CCN5: variants seen among roughly 807,000 people sequenced by gnomAD.
The protein encoded by CCN5 is CCN family member 5.
CCN5 carries 17 observed loss-of-function variants against 18.7 expected under a neutral mutation model. That is an observed-to-expected ratio of 0.91 (90% CI 0.62 to 1.36). The LOEUF is 1.36. Among genes scored for constraint, CCN5 ranks in the 40% most tolerant of loss-of-function variants. CCN5 has a pLI of 0.00. For missense variants in CCN5, 367 were observed against 342.9 expected (o/e 1.07, Z -0.56); for synonymous variants, 135 against 145.2 (o/e 0.93, Z 0.50).
chr20:44,724,595 A>G, intron 2 of CCN5, 143 bp from the exon 3 acceptor site: 2 of 1,281,452 alleles, frequency 1.6e-6, no homozygotes, highest in South Asian at 3.2e-5. Context: ...GGCTGGGGAG[A>G]GGTGCATATC....
intron 3 of CCN5, among the ~76,000 whole-genome samples, chr20:44,725,545 T>C (rs2065930723): frequency 1.3e-5 from 2 of 151,892 alleles, no homozygotes; most frequent in African/African-American, 4.8e-5. Context: ...AAACCATAAA[T>C]AATTAAAAAT....
intron 2 of CCN5, 179 bp from the exon 3 acceptor site, chr20:44,724,559 C>T (rs2065921586): frequency 2.2e-6 from 2 of 910,064 alleles, no homozygotes; most frequent in Admixed American, 6.6e-5. Context: ...TGCCGGGATC[C>T]AGGGTGCCCC....
intron 2 of CCN5, chr20:44,721,020 A>G (rs2065895516): frequency 6.6e-6 from 1 of 152,190 alleles, no homozygotes; most frequent in Non-Finnish European, 1.5e-5. Flanking sequence ...CCAGTTGGGA[A>G]CCATCACTTT....
intron 1 of CCN5, among the ~76,000 whole-genome samples, chr20:44,715,702 T>C (rs2065855222): frequency 1.3e-5 from 2 of 152,212 alleles, no homozygotes; most frequent in Non-Finnish European, 2.9e-5. Context: ...GTGAAGGGTA[T>C]ACAGTTTGTG....
chr20:44,724,176 A>G (rs920374963), intron 2 of CCN5: 3 of 152,602 alleles, frequency 2.0e-5, no homozygotes, highest in African/African-American at 7.2e-5. Flanking sequence ...AGAGAAGTTA[A>G]GTAACTTACT....
At position 44,715,384 on chromosome 20, in the gene CCN5, A is replaced by G; in HGVS notation, c.-7A>G. 6.3e-7 allele frequency: 1 copy of G among 1,599,264 alleles called. No individual in the cohort carries two copies. The highest frequency in any genetic ancestry group is 8.5e-7 in the Non-Finnish European group (1 of 1,173,474). On this transcript the variant is annotated 5_prime_UTR_variant, in exon 1 of 4. Coordinates refer to ENST00000190983, the MANE Select transcript of CCN5 (RefSeq NM_003881.4). ...CTCCCAGGCTCAAAGCTGGCTCTGC[A>G]GGGGACATGAGAGGCACACCGAAGA... is the stretch of plus-strand genomic sequence containing the variant.
intron 3 of CCN5, among the ~76,000 whole-genome samples, chr20:44,726,077 C>A (rs1332739872): frequency 6.6e-6 from 1 of 152,134 alleles, no homozygotes; most frequent in Admixed American, 6.5e-5. Flanking sequence ...CTCAGTTTCT[C>A]CAGCTGTAAA....
rs2065924213 is a variant in CCN5, at chr20:44,724,829, C to A, written c.369C>A (p.Cys123Ter). The A allele has an allele frequency of 6.2e-7, 1 of 1,606,200 alleles. No individual in the cohort carries two copies. Among genetic ancestry groups the A allele is most frequent in the Non-Finnish European group, 8.5e-7 (1 of 1,177,260 alleles). ...FQPHCSIRCR[C>*]EDGGFTCVPL... ...CCCACTGCAGCATCCGCTGCCGCTG[C>A]GAGGACGGCGGCTTCACCTGCGTGC... Residue 123 changes from cysteine (C) to a stop codon, truncating the protein, a stop_gained, in exon 3 of 4, where the codon TGC becomes TGA. Transcript: ENST00000190983. LOFTEE classifies it high-confidence loss of function.
At chr20:44,715,072 T>C, upstream of CCN5, 1 of 295,986 alleles carries the variant, frequency 3.4e-6, no homozygotes, top group Non-Finnish European at 6.5e-6. Context: ...TGGCACTGGC[T>C]CAGGCTTTCA....
At chr20:44,720,145 G>C (rs2065889151) in intron 2 of CCN5, 32 bp downstream of exon 2, 1 of 1,533,678 alleles carries the variant, frequency 6.5e-7, no homozygotes, top group African/African-American at 1.4e-5. Context: ...AGTGGGGGCG[G>C]GTGTGAGCGG....
chr20:44,727,448 A>C lies in CCN5; in HGVS notation c.*141A>C. ...TTAGCTTGGGTCCACCATGCAGAACACCAATATTAACACGCTGCCTGGTCT... is the reference window on the plus strand; with the variant it reads ...TTAGCTTGGGTCCACCATGCAGAACCCCAATATTAACACGCTGCCTGGTCT... On this transcript the variant is annotated 3_prime_UTR_variant, in exon 4 of 4. Transcript: ENST00000190983. The C allele has an allele frequency of 7.0e-7, 1 of 1,438,672 alleles. No homozygotes were observed. Among genetic ancestry groups the C allele is most frequent in the Non-Finnish European group, 9.2e-7 (1 of 1,091,162 alleles). The allele number at this position is 1,438,672 out of a possible 1,614,324, so 89.1% of individuals were successfully genotyped here.
At position 44,720,077 on chromosome 20, in the gene CCN5, G is replaced by C; in HGVS notation, c.241G>C (p.Gly81Arg). ...CAGCCAGGGCCTGGTCTGCCAGCCC[G>C]GGGCAGGACCCGGTGGCCGGGGGGC... ...DASQGLVCQP[G>R]AGPGGRGALC... is the part of the protein sequence containing the mutation. Residue 81 changes from glycine to arginine, a missense_variant, in exon 2 of 4, where the codon GGG becomes CGG. Coordinates refer to ENST00000190983, the MANE Select transcript of CCN5 (RefSeq NM_003881.4). 2 of 1,574,940 alleles carry C rather than the reference G, an allele frequency of 1.3e-6. No individual in the cohort carries two copies. Among genetic ancestry groups the C allele is most frequent in the Non-Finnish European group, 1.7e-6 (2 of 1,166,592 alleles).
chr20:44,715,242 TGTGTGTGTGTGTGTGTGTGAGC>T (rs1290750487), upstream of CCN5: 3 of 538,126 alleles, frequency 5.6e-6, no homozygotes, highest in South Asian at 1.8e-5. Context: ...TGTGTGTGTG[TGTGTGTGTGTGTGTGTGTGAGC>T]GCGCGCGCGC....
chr20:44,727,067 T>G lies in CCN5; in HGVS notation c.533-20T>G, dbSNP rs1196223391. 6.4e-7 allele frequency: 1 copy of G among 1,558,068 alleles called. No homozygotes were observed. The highest frequency in any genetic ancestry group is 1.4e-5 in the African/African-American group (1 of 73,638). ...TGAGCCCTGGCTGCTCAGTGCTAAC[T>G]CTTGTTCTTTCCCCCCTAGGACCCC... On this transcript the variant is annotated intron_variant, in intron 3 of 3. Coordinates refer to ENST00000190983, the MANE Select transcript of CCN5 (RefSeq NM_003881.4).
intron 1 of CCN5, chr20:44,716,656 G>A (rs768062427): frequency 6.6e-6 from 1 of 152,234 alleles, no homozygotes; most frequent in African/African-American, 2.4e-5. Context: ...CAGGAAGCAG[G>A]GACTGCACAG....
chr20:44,723,702 A>AGAT (rs1422637854), intron 2 of CCN5: 1 of 152,178 alleles, frequency 6.6e-6, no homozygotes, highest in African/African-American at 2.4e-5. Flanking sequence ...TCTGTCTTGG[A>AGAT]GATGATGCCC....
At chr20:44,721,738 C>T (rs190778177) in intron 2 of CCN5, among the ~76,000 whole-genome samples, 2 of 152,274 alleles carry the variant, frequency 1.3e-5, no homozygotes, top group African/African-American at 2.4e-5. Flanking sequence ...TTTACACTTG[C>T]ACAGCCCTTA....
At chr20:44,716,998 C>T (rs1313386270) in intron 1 of CCN5, among the ~76,000 whole-genome samples, 1 of 152,204 alleles carries the variant, frequency 6.6e-6, no homozygotes, top group Non-Finnish European at 1.5e-5. Context: ...GCCCAAAAAA[C>T]TCCATGCCCA....
intron 2 of CCN5, 188 bp from the exon 3 acceptor site, chr20:44,724,550 G>C (rs2065921520): frequency 1.2e-6 from 1 of 821,300 alleles, no homozygotes; most frequent in African/African-American, 1.8e-5. Context: ...CAATCCCTGT[G>C]CCGGGATCCA....
Sources: allele counts gnomAD v4.1 joint callset (sites outside exome capture counted in the v4.1 genomes callset), GRCh38; gene constraint gnomAD v4.1.1; transcripts MANE v1.5; gene names NCBI Gene and HGNC (gene_info 2026-07-23, HGNC 2026-07-21).